RBMS3: variants seen among roughly 807,000 people sequenced by gnomAD.
The protein encoded by RBMS3 is RNA-binding motif, single-stranded-interacting protein 3.
A neutral mutation model predicts 66.8 loss-of-function variants in RBMS3; 27 were observed. That is an observed-to-expected ratio of 0.40 (90% confidence interval 0.30 to 0.56). RBMS3 has a LOEUF of 0.56. Ranked by LOEUF, RBMS3 falls within the 20% of genes least tolerant of loss-of-function variation. The probability of loss-of-function intolerance (pLI) is 0.40; values close to 1 mark genes in which losing one functional copy is unlikely to be tolerated. For synonymous variants in RBMS3, 188 were observed against 183.0 expected (o/e 1.03, Z -0.22); for missense variants, 513 against 549.5 (o/e 0.93, Z 0.66).
At chr3:29,991,050 T>A (rs1250947904) in intron 13 of RBMS3, 32 bp from the exon 14 acceptor site, 2 of 1,609,054 alleles carry the variant, frequency 1.2e-6, no homozygotes, top group Non-Finnish European at 1.7e-6. Context: ...CTGAAGCAAG[T>A]AAGGCTTTTA....
chr3:29,806,669 T>C (rs946098786), intron 6 of RBMS3, among the ~76,000 whole-genome samples: 2 of 151,976 alleles, frequency 1.3e-5, no homozygotes, highest in Admixed American at 1.3e-4. Flanking sequence ...TGTCTGTTCA[T>C]AGAATCCGGC....
chr3:29,628,838 A>G (rs957654817), intron 4 of RBMS3, among the ~76,000 whole-genome samples: 8 of 152,246 alleles, frequency 5.3e-5, no homozygotes, highest in Middle Eastern at 3.4e-3. Context: ...ATTAAGGTAA[A>G]TCATTCTAAA....
chr3:29,650,975 G>C (rs2050124388), intron 4 of RBMS3, among the ~76,000 whole-genome samples: 1 of 152,100 alleles, frequency 6.6e-6, no homozygotes, highest in Admixed American at 6.6e-5. Flanking sequence ...GTCTTTATAT[G>C]TTTCTATACC....
intron 8 of RBMS3, among the ~76,000 whole-genome samples, chr3:29,890,084 T>G: frequency 6.6e-6 from 1 of 151,640 alleles, no homozygotes; most frequent in African/African-American, 2.4e-5. Flanking sequence ...AATAGGAGGA[T>G]TATAGCTAAT....
intron 6 of RBMS3, among the ~76,000 whole-genome samples, chr3:29,785,039 A>T (rs191802923): frequency 6.6e-6 from 1 of 152,176 alleles, no homozygotes; most frequent in Admixed American, 6.5e-5. Context: ...TAAAATTGCC[A>T]CCAAAAAAAG....
intron 14 of RBMS3, among the ~76,000 whole-genome samples, chr3:29,996,678 TAACGAAATG>T (rs2125390085): frequency 6.6e-6 from 1 of 151,954 alleles, no homozygotes; most frequent in African/African-American, 2.4e-5. Flanking sequence ...ACTGGGTACA[TAACGAAATG>T]AAGGCAGAAA....
At chr3:29,852,940 A>G (rs2149521422) in intron 6 of RBMS3, among the ~76,000 whole-genome samples, 1 of 152,366 alleles carries the variant, frequency 6.6e-6, no homozygotes, top group South Asian at 2.1e-4. Flanking sequence ...TTAGATAACA[A>G]AAATGTGGTA....
intron 6 of RBMS3, among the ~76,000 whole-genome samples, chr3:29,865,612 AT>A (rs1249477458): frequency 6.6e-6 from 1 of 152,158 alleles, no homozygotes; most frequent in Non-Finnish European, 1.5e-5. Flanking sequence ...GCCTTATGAT[AT>A]TAAGGGAAAA....
chr3:29,727,951 C>T (rs79421955), intron 4 of RBMS3, among the ~76,000 whole-genome samples: 1 of 152,156 alleles, frequency 6.6e-6, no homozygotes. Context: ...AGACTTGGAA[C>T]CAACCCCAAT....
intron 6 of RBMS3, among the ~76,000 whole-genome samples, chr3:29,814,228 A>T (rs1245025000): frequency 6.6e-6 from 1 of 151,948 alleles, no homozygotes; most frequent in Non-Finnish European, 1.5e-5. Flanking sequence ...TTCTGCATCT[A>T]TTGAGATAAT....
At chr3:29,862,235 G>A (rs1054693720) in intron 6 of RBMS3, among the ~76,000 whole-genome samples, 1 of 152,122 alleles carries the variant, frequency 6.6e-6, no homozygotes, top group Non-Finnish European at 1.5e-5. Flanking sequence ...GATATAGTTG[G>A]TCTGGAAACG....
intron 6 of RBMS3, among the ~76,000 whole-genome samples, chr3:29,831,318 C>T (rs2058364535): frequency 6.6e-6 from 1 of 152,248 alleles, no homozygotes; most frequent in Non-Finnish European, 1.5e-5. Flanking sequence ...TACAGCCCTG[C>T]TTTTCTTTTT....
At chr3:29,434,605 A>C in intron 1 of RBMS3, 138 bp from the exon 2 acceptor site, 1 of 1,175,036 alleles carries the variant, frequency 8.5e-7, no homozygotes, top group Admixed American at 2.3e-5. Context: ...AACAGAGAGT[A>C]GTGATATAAA....
intron 4 of RBMS3, among the ~76,000 whole-genome samples, chr3:29,639,332 G>T (rs1329702662): frequency 6.6e-6 from 1 of 151,734 alleles, no homozygotes; most frequent in Non-Finnish European, 1.5e-5. Flanking sequence ...TGGATTTTTA[G>T]GTCCTATCCC....
At chr3:29,632,718 T>C (rs1377887501) in intron 4 of RBMS3, among the ~76,000 whole-genome samples, 1 of 151,848 alleles carries the variant, frequency 6.6e-6, no homozygotes, top group Non-Finnish European at 1.5e-5. Flanking sequence ...AAAAGGTAAC[T>C]TCTTTGAACG....
At chr3:29,672,994 A>G (rs1035852699) in intron 4 of RBMS3, among the ~76,000 whole-genome samples, 3 of 151,576 alleles carry the variant, frequency 2.0e-5, no homozygotes, top group Admixed American at 6.6e-5. Flanking sequence ...TCAGCACCAC[A>G]TCGCACTTAT....
In RBMS3 at chr3:29,572,360, G is replaced by T. The variant is rs186047412; in HGVS notation, c.308-14754G>T. On this transcript the variant is annotated intron_variant, in intron 3 of 14. Coordinates refer to ENST00000383767, the MANE Select transcript of RBMS3 (RefSeq NM_001003793.3). ...ATCCTTGTCATGTTCTTATAGGAAA[G>T]GGTTTCAGTTTTTCCTCATTCAGTA... is the stretch of plus-strand genomic sequence containing the variant. Among the ~76,000 whole-genome samples, 12 of 152,180 alleles carry T rather than the reference G, an allele frequency of 7.9e-5. No individual in the cohort carries two copies. The East Asian group carries it at 2.1e-3, about 27-fold the overall frequency.
At chr3:29,985,111 T>C (rs1698286533) in intron 12 of RBMS3, among the ~76,000 whole-genome samples, 1 of 152,200 alleles carries the variant, frequency 6.6e-6, no homozygotes, top group Non-Finnish European at 1.5e-5. Flanking sequence ...ATGAGGAATC[T>C]AGAAAGGCAG....
At chr3:29,658,915 C>T (rs111671512) in intron 4 of RBMS3, among the ~76,000 whole-genome samples, 3 of 152,296 alleles carry the variant, frequency 2.0e-5, no homozygotes, top group African/African-American at 4.8e-5. Context: ...CTCCGCCTCC[C>T]GGGTTCAAGC....
Sources: allele counts gnomAD v4.1 joint callset (sites outside exome capture counted in the v4.1 genomes callset), GRCh38; gene constraint gnomAD v4.1.1; transcripts MANE v1.5; gene names NCBI Gene and HGNC (gene_info 2026-07-23, HGNC 2026-07-21).